MAPRE1: variants seen among roughly 807,000 people sequenced by gnomAD.
MAPRE1 encodes the protein microtubule associated protein RP/EB family member 1.
MAPRE1 carries 5 observed loss-of-function variants against 32.1 expected under a neutral mutation model. That is an observed-to-expected ratio of 0.16 (90% confidence interval 0.08 to 0.33). The LOEUF is 0.33. Ranked by LOEUF, MAPRE1 falls within the 10% of genes least tolerant of loss-of-function variation. The pLI, the probability that MAPRE1 is intolerant of heterozygous loss-of-function variation, is 1.00. For synonymous variants in MAPRE1, 122 were observed against 118.9 expected, an observed-to-expected ratio of 1.03 and a Z score of -0.17; for missense variants, 209 against 327.2, an observed-to-expected ratio of 0.64 and a Z score of 2.79.
chr20:32,839,639 G>A, intron 4 of MAPRE1, 96 bp from the exon 5 acceptor site: 1 of 1,536,594 alleles, frequency 6.5e-7, no homozygotes, highest in Non-Finnish European at 8.8e-7. Context: ...ACCTGTGCAA[G>A]GCAGATGGTC....
chr20:32,831,527 T>G (rs1013577333), intron 2 of MAPRE1, among the ~76,000 whole-genome samples: 2 of 151,824 alleles, frequency 1.3e-5, no homozygotes, highest in African/African-American at 4.8e-5. Flanking sequence ...TCATTGTCTC[T>G]TTTTTGTTGT....
intron 5 of MAPRE1, among the ~76,000 whole-genome samples, chr20:32,842,002 G>GT (rs921217122): frequency 8.0e-4 from 116 of 144,876 alleles, no homozygotes; most frequent in East Asian, 1.6e-3. Flanking sequence ...ACAGGAACCA[G>GT]TTTTTTTTTT....
chr20:32,839,897 A>G (rs1255598118), intron 5 of MAPRE1, 41 bp downstream of exon 5: 1 of 1,610,914 alleles, frequency 6.2e-7, no homozygotes, highest in African/African-American at 1.3e-5. Context: ...ACCTCGGGGG[A>G]TAGGATCCTT....
chr20:32,844,408 G>T (rs997279232), intron 5 of MAPRE1, among the ~76,000 whole-genome samples: 1 of 135,722 alleles, frequency 7.4e-6, no homozygotes, highest in Non-Finnish European at 1.6e-5. Context: ...AGTGAAACTA[G>T]TGAAACTAGG....
At chr20:32,845,449 T>C (rs895130175) in intron 5 of MAPRE1, among the ~76,000 whole-genome samples, 2 of 152,180 alleles carry the variant, frequency 1.3e-5, no homozygotes, top group Admixed American at 1.3e-4. Flanking sequence ...AACAAGACTT[T>C]GATGATGAAC....
At position 32,836,751 on chromosome 20, in the gene MAPRE1, G is replaced by T; in HGVS notation, c.385G>T (p.Ala129Ser). 1.9e-6 allele frequency: 3 copies of T among 1,613,996 alleles called. No homozygotes were observed. Among genetic ancestry groups the T allele is most frequent in the Non-Finnish European group, 2.5e-6 (3 of 1,179,862 alleles). Reference sequence around the variant, plus strand: ...TGGAAAAGACTATGACCCTGTGGCTGCCAGACAAGGTCAAGAAACTGCAGT... The same window carrying T: ...TGGAAAAGACTATGACCCTGTGGCTTCCAGACAAGGTCAAGAAACTGCAGT... ...YDGKDYDPVA[A>S]RQGQETAVAP... The change falls in exon 4 of 7, where the codon GCC becomes TCC. Residue 129 changes from alanine (A) to serine (S), a missense_variant. Physicochemically the swap from Ala to Ser is moderately conservative, Grantham distance 99. This residue lies in a region of MAPRE1 where 106 missense variants were observed against 115.3 expected (regional missense o/e 0.92). Coordinates refer to ENST00000375571, the MANE Select transcript of MAPRE1 (RefSeq NM_012325.3).
intron 5 of MAPRE1, among the ~76,000 whole-genome samples, chr20:32,842,570 G>C (rs1983394664): frequency 6.6e-6 from 1 of 152,198 alleles, no homozygotes; most frequent in African/African-American, 2.4e-5. Context: ...CCTGCTGAAT[G>C]GGGAATTGAG....
chr20:32,835,520 T>C (rs899782845), intron 3 of MAPRE1, among the ~76,000 whole-genome samples: 3 of 152,142 alleles, frequency 2.0e-5, no homozygotes, highest in Admixed American at 6.6e-5. Context: ...TTGGAAAACA[T>C]GTCATTTTGT....
chr20:32,842,035 G>GT (rs1983378053), intron 5 of MAPRE1, among the ~76,000 whole-genome samples: 2 of 151,606 alleles, frequency 1.3e-5, no homozygotes, highest in South Asian at 4.2e-4. Flanking sequence ...AATAATATGC[G>GT]TAAATGGTCA....
chr20:32,843,197 T>A (rs1266059065), intron 5 of MAPRE1: 1 of 152,160 alleles, frequency 6.6e-6, no homozygotes, highest in Non-Finnish European at 1.5e-5. Context: ...TCAAAGTCCT[T>A]CCCTTACCTG....
At chr20:32,837,616 T>C (rs1983236944) in intron 4 of MAPRE1, among the ~76,000 whole-genome samples, 2 of 152,062 alleles carry the variant, frequency 1.3e-5, no homozygotes, top group Admixed American at 6.6e-5. Flanking sequence ...GGCTTGTTCA[T>C]CTGATAGAGA....
intron 4 of MAPRE1, among the ~76,000 whole-genome samples, chr20:32,837,542 C>G (rs578118630): frequency 6.6e-6 from 1 of 152,104 alleles, no homozygotes; most frequent in Non-Finnish European, 1.5e-5. Flanking sequence ...TCTACAGATG[C>G]TAATTTCTTC....
rs141157712 is a variant in MAPRE1, at chr20:32,825,083, C to T, written c.-3-842C>T. Among the ~76,000 whole-genome samples the T allele has an allele frequency of 3.9e-3, 579 of 147,348 alleles. 1 individual carries two copies. The highest frequency in any genetic ancestry group is 0.014 in the African/African-American group (545 of 39,800). On this transcript the variant is annotated intron_variant, in intron 1 of 6. Coordinates refer to ENST00000375571, the MANE Select transcript of MAPRE1 (RefSeq NM_012325.3). ...AGGAAAATCACTTGAACCTGGGAGG[C>T]GGAGGTTGCAGTGAGTTGAGATCGT...
intron 5 of MAPRE1, among the ~76,000 whole-genome samples, chr20:32,845,433 T>C (rs939579327): frequency 6.6e-6 from 1 of 152,218 alleles, no homozygotes; most frequent in Non-Finnish European, 1.5e-5. Flanking sequence ...GATTCTGGTT[T>C]GGTCTAACAA....
chr20:32,831,016 G>A (rs996346086), intron 2 of MAPRE1, among the ~76,000 whole-genome samples: 22 of 150,324 alleles, frequency 1.5e-4, no homozygotes, highest in African/African-American at 4.1e-4. Context: ...GAGCCACCGC[G>A]CCCAGCCTCT....
rs542130845 is a variant in MAPRE1, at chr20:32,833,501, A to G, written c.122-216A>G. 5.3e-5 allele frequency among the ~76,000 whole-genome samples: 8 copies of G among 152,336 alleles called. No homozygotes were observed. In the East Asian group the frequency reaches 1.3e-3, roughly 26 times the overall value. Reference sequence around the variant, plus strand: ...GAAACACTCCTTTTCTCCTTGTTATAGGCTTCTGGGTTGCAAGTATGTTGT... The same window carrying G: ...GAAACACTCCTTTTCTCCTTGTTATGGGCTTCTGGGTTGCAAGTATGTTGT... On this transcript the variant is annotated intron_variant, in intron 2 of 6. Coordinates refer to ENST00000375571, the MANE Select transcript of MAPRE1 (RefSeq NM_012325.3).
intron 2 of MAPRE1, among the ~76,000 whole-genome samples, chr20:32,832,624 C>T (rs1042420873): frequency 1.3e-5 from 2 of 151,794 alleles, no homozygotes; most frequent in Admixed American, 6.6e-5. Context: ...CATGCCAACA[C>T]GCCAAGCTAA....
intron 1 of MAPRE1, among the ~76,000 whole-genome samples, chr20:32,825,313 C>T (rs992108541): frequency 2.0e-5 from 3 of 152,124 alleles, no homozygotes; most frequent in Non-Finnish European, 4.4e-5. Context: ...TTACTCATCC[C>T]TTTATTTAGT....
chr20:32,843,047 T>C (rs1983407452), intron 5 of MAPRE1: 1 of 152,234 alleles, frequency 6.6e-6, no homozygotes, highest in Non-Finnish European at 1.5e-5. Flanking sequence ...CCAGGTGCTT[T>C]GTTGATCCTG....
Sources: gnomAD v4.1 joint callset for allele counts (sites outside exome capture counted in the v4.1 genomes callset) on GRCh38, gnomAD v4.1.1 for gene constraint, gnomAD v4.1.1 regional missense constraint, MANE v1.5 for transcripts, NCBI Gene and HGNC (gene_info 2026-07-23, HGNC 2026-07-21) for gene names.